The following TNNI3K variants were observed in gnomAD, a reference collection of about 807,000 sequenced individuals.
TNNI3K encodes TNNI3 interacting kinase.
Under a neutral mutation model 114.5 loss-of-function variants are expected in TNNI3K, and 140 were observed. The observed-to-expected ratio is 1.22, with a 90% CI of 1.07 to 1.41. The LOEUF is 1.41. Ranked by LOEUF, TNNI3K falls within the 40% of genes most tolerant of loss-of-function variation. The probability of loss-of-function intolerance (pLI) is 0.00; values close to 1 mark genes in which losing one functional copy is unlikely to be tolerated. For missense variants in TNNI3K, 1,125 were observed against 1,007.6 expected (o/e 1.12, Z -1.58); for synonymous variants, 347 against 347.5 (o/e 1.00, Z 0.02).
chr1:74,242,358 T>TA (rs1654290356), intron 2 of TNNI3K, among the ~76,000 whole-genome samples: 1 of 152,224 alleles, frequency 6.6e-6, no homozygotes, highest in Admixed American at 6.5e-5. Context: ...TTTTCTGAGA[T>TA]ACACCTTTTT....
chr1:74,360,298 GAA>G (rs1661891900), intron 11 of TNNI3K, among the ~76,000 whole-genome samples: 1 of 151,804 alleles, frequency 6.6e-6, no homozygotes, highest in Non-Finnish European at 1.5e-5. Context: ...TCACCCATAA[GAA>G]AAAGTCTCAG....
intron 17 of TNNI3K, chr1:74,371,722 C>G (rs1257672483): frequency 1.3e-5 from 2 of 151,724 alleles, no homozygotes; most frequent in Non-Finnish European, 2.9e-5. Flanking sequence ...AGCACAGACA[C>G]CAGTGAATGC....
At chr1:74,289,760 A>T (rs951685374) in intron 5 of TNNI3K, among the ~76,000 whole-genome samples, 1 of 151,914 alleles carries the variant, frequency 6.6e-6, no homozygotes, top group Non-Finnish European at 1.5e-5. Flanking sequence ...CATACTTAGA[A>T]AATTATATGT....
chr1:74,367,451 G>C (rs1330461652), intron 12 of TNNI3K, 109 bp downstream of exon 12: 2 of 1,131,186 alleles, frequency 1.8e-6, no homozygotes, highest in African/African-American at 1.6e-5. Context: ...GGAGGGCATA[G>C]CCTATGTCAG....
chr1:74,444,246 T>C (rs887064656), intron 20 of TNNI3K, among the ~76,000 whole-genome samples: 17 of 152,328 alleles, frequency 1.1e-4, no homozygotes, highest in South Asian at 4.1e-4. Flanking sequence ...GACATGATTC[T>C]ATGTCAAGAA....
chr1:74,361,987 A>C (rs1441062933), intron 11 of TNNI3K, among the ~76,000 whole-genome samples: 1 of 152,162 alleles, frequency 6.6e-6, no homozygotes, highest in Non-Finnish European at 1.5e-5. Context: ...AGGAACAAGA[A>C]TAATGGGTCA....
At chr1:74,421,950 TTTATTATTA>T (rs137874168) in intron 17 of TNNI3K, among the ~76,000 whole-genome samples, 59,602 of 145,148 alleles carry the variant, frequency 0.41, 13,671 homozygotes, top group East Asian at 0.54. Context: ...CTGGATTGCT[TTTATTATTA>T]TTATTATTAT....
chr1:74,516,435 A>G (rs1402792599), intron 23 of TNNI3K, among the ~76,000 whole-genome samples: 1 of 152,218 alleles, frequency 6.6e-6, no homozygotes, highest in Non-Finnish European at 1.5e-5. Flanking sequence ...GTACAATACA[A>G]GGCATGAGGT....
chr1:74,442,903 T>G (rs1666439853), intron 20 of TNNI3K, among the ~76,000 whole-genome samples: 1 of 151,004 alleles, frequency 6.6e-6, no homozygotes, highest in African/African-American at 2.5e-5. Flanking sequence ...AACCTGCTTC[T>G]GAATGAATCC....
intron 24 of TNNI3K, among the ~76,000 whole-genome samples, chr1:74,540,777 G>T (rs947611987): frequency 2.1e-4 from 32 of 151,742 alleles, no homozygotes; most frequent in Admixed American, 3.9e-4. Context: ...TCCCCTTTTA[G>T]CCAAGCACTC....
intron 17 of TNNI3K, among the ~76,000 whole-genome samples, chr1:74,417,180 T>C (rs1407993645): frequency 6.6e-6 from 1 of 152,044 alleles, no homozygotes; most frequent in African/African-American, 2.4e-5. Context: ...TACTTGTTCT[T>C]AGGATATATG....
intron 21 of TNNI3K, chr1:74,475,298 C>T (rs1463231833): frequency 1.5e-6 from 1 of 648,724 alleles, no homozygotes; most frequent in Admixed American, 2.7e-5. Flanking sequence ...AACTCACCTT[C>T]TGTTCTTATT....
chr1:74,267,172 T>C (rs545544835), intron 4 of TNNI3K, among the ~76,000 whole-genome samples: 47 of 152,082 alleles, frequency 3.1e-4, no homozygotes, highest in Admixed American at 1.1e-3. Context: ...ACATTTCTTA[T>C]ATATGGTAAA....
At chr1:74,251,066 A>C (rs965526287) in intron 4 of TNNI3K, among the ~76,000 whole-genome samples, 1 of 152,152 alleles carries the variant, frequency 6.6e-6, no homozygotes, top group Admixed American at 6.5e-5. Flanking sequence ...AGGATTTAAG[A>C]CAAGGCAGTC....
intron 20 of TNNI3K, among the ~76,000 whole-genome samples, chr1:74,441,635 C>G (rs1416019669): frequency 1.3e-5 from 2 of 152,028 alleles, no homozygotes; most frequent in East Asian, 1.9e-4. Context: ...GTTTCACGTC[C>G]TTGCCAGCAC....
intron 7 of TNNI3K, 40 bp downstream of exon 7, chr1:74,336,189 T>G: frequency 6.3e-7 from 1 of 1,577,898 alleles, no homozygotes; most frequent in Non-Finnish European, 8.5e-7. Context: ...TATCATTTGC[T>G]TTATGTATAC....
intron 5 of TNNI3K, among the ~76,000 whole-genome samples, chr1:74,302,604 G>A (rs543899898): frequency 7.9e-5 from 12 of 152,162 alleles, no homozygotes; most frequent in African/African-American, 2.2e-4. Context: ...TTGCTGATAC[G>A]GAGGAAGTTT....
intron 5 of TNNI3K, among the ~76,000 whole-genome samples, chr1:74,297,885 G>A (rs1570434708): frequency 6.6e-6 from 1 of 152,222 alleles, no homozygotes; most frequent in East Asian, 1.9e-4. Context: ...TTCAGAGGGA[G>A]GAGAAACTGA....
At chr1:74,489,466 A>G (rs1333498696) in intron 22 of TNNI3K, among the ~76,000 whole-genome samples, 1 of 152,234 alleles carries the variant, frequency 6.6e-6, no homozygotes, top group East Asian at 1.9e-4. Flanking sequence ...CTTCCAACAA[A>G]TAATAGGGCA....
Sources: gnomAD v4.1 joint callset for allele counts (sites outside exome capture counted in the v4.1 genomes callset) on GRCh38, gnomAD v4.1.1 for gene constraint, MANE v1.5 for transcripts, NCBI Gene and HGNC (gene_info 2026-07-23, HGNC 2026-07-21) for gene names.